CSGALNACT1: variants seen among roughly 807,000 people sequenced by gnomAD.
CSGALNACT1 encodes the protein chondroitin sulfate N-acetylgalactosaminyltransferase 1, also known as beta4GalNAcT-1.
In CSGALNACT1, 52 loss-of-function variants were observed where a neutral mutation model predicts 51.0. That is an observed-to-expected ratio of 1.02 (90% CI 0.82 to 1.29). The LOEUF is 1.29. Ranked by LOEUF, CSGALNACT1 falls within the 50% of genes most tolerant of loss-of-function variation. The pLI is 0.00. For missense variants in CSGALNACT1, 935 were observed against 679.2 expected (o/e 1.38, Z -4.19); for synonymous variants, 341 against 254.4 (o/e 1.34, Z -3.24).
chr8:19,595,509 G>T (rs538096195), intron 2 of CSGALNACT1, among the ~76,000 whole-genome samples: 1 of 152,194 alleles, frequency 6.6e-6, no homozygotes, highest in Non-Finnish European at 1.5e-5. Flanking sequence ...ACTTAAATAT[G>T]ATTTTCATGA....
intron 1 of CSGALNACT1, among the ~76,000 whole-genome samples, chr8:19,721,873 T>C (rs1475750698): frequency 6.6e-6 from 1 of 152,218 alleles, no homozygotes; most frequent in East Asian, 1.9e-4. Context: ...TTCATATTAA[T>C]TTCAAAAGAA....
rs4457347 is a variant in CSGALNACT1 at position 19,600,144 on chromosome 8, G to T, written c.-416+1627C>A. Among the ~76,000 whole-genome samples the T allele has an allele frequency of 9.2e-3, 1,394 of 152,086 alleles. 25 individuals carry two copies. Among genetic ancestry groups the T allele is most frequent in the African/African-American group, 0.031 (1,299 of 41,438 alleles). On this transcript the variant is annotated intron_variant, in intron 2 of 9. Coordinates refer to ENST00000454498, the Ensembl canonical transcript of CSGALNACT1. ...GTTGCCCAGGCTGGAGTGCAATGGC[G>T]TCATCTTGGCTCACTGCAACCTCCA... is the stretch of plus-strand genomic sequence containing the variant.
intron 1 of CSGALNACT1, among the ~76,000 whole-genome samples, chr8:19,633,968 T>A (rs1390231231): frequency 6.6e-6 from 1 of 152,186 alleles, no homozygotes; most frequent in African/African-American, 2.4e-5. Flanking sequence ...GGTTCGTGCC[T>A]TCCTACTTTC....
rs572792017 is a variant in CSGALNACT1, at chr8:19,405,867, G to A, written c.1512C>T (p.His504=). ...TGAACACCAGCATGCCCAGCTGGCC[G>A]TGGGATGCCTCGTTCATGGCCTTGG... The change falls in exon 10 of 10, where the codon CAC becomes CAT. Residue 504 remains histidine, a synonymous_variant. Transcript: ENST00000454498. 6.8e-5 allele frequency: 110 copies of A among 1,614,018 alleles called. 1 individual carries two copies. The highest frequency in any genetic ancestry group is 2.2e-4 in the South Asian group (20 of 91,080).
intron 3 of CSGALNACT1, among the ~76,000 whole-genome samples, chr8:19,590,996 G>T (rs558877887): frequency 3.2e-4 from 49 of 152,074 alleles, no homozygotes; most frequent in Admixed American, 6.6e-4. Flanking sequence ...TTGTTCAAGG[G>T]ATACTGGAAA....
At chr8:19,681,300 T>C (rs2060598887) in intron 1 of CSGALNACT1, among the ~76,000 whole-genome samples, 1 of 152,004 alleles carries the variant, frequency 6.6e-6, no homozygotes, top group Non-Finnish European at 1.5e-5. Context: ...GAATTGGATA[T>C]GTGTAAGAGG....
chr8:19,513,830 G>T (rs766236698), intron 3 of CSGALNACT1, among the ~76,000 whole-genome samples: 1 of 151,996 alleles, frequency 6.6e-6, no homozygotes, highest in African/African-American at 2.4e-5. Flanking sequence ...GACAAAGAAA[G>T]GGTACAGTAA....
At chr8:19,660,061 A>G (rs996710667) in intron 1 of CSGALNACT1, among the ~76,000 whole-genome samples, 2 of 152,258 alleles carry the variant, frequency 1.3e-5, no homozygotes, top group East Asian at 3.8e-4. Flanking sequence ...CGCACGGGGA[A>G]GTTAAGTCAA....
intron 1 of CSGALNACT1, among the ~76,000 whole-genome samples, chr8:19,610,437 C>G (rs1276449039): frequency 1.3e-5 from 2 of 152,012 alleles, no homozygotes; most frequent in Non-Finnish European, 2.9e-5. Context: ...TTCCCAAGAC[C>G]ACTCTGGCCT....
chr8:19,691,283 C>T lies in CSGALNACT1; in HGVS notation c.-297+66567G>A, dbSNP rs566822085. Among the ~76,000 whole-genome samples, 232 of 152,220 alleles carry T rather than the reference C, an allele frequency of 1.5e-3. 1 individual carries two copies. Among genetic ancestry groups the T allele is most frequent in the African/African-American group, 5.2e-3 (217 of 41,544 alleles). Reference sequence around the variant, plus strand: ...GAAGTTCCCCATAAATTTCAGCCAACGATGCACAGGCCTCCTCCCAAACAC... The same window carrying T: ...GAAGTTCCCCATAAATTTCAGCCAATGATGCACAGGCCTCCTCCCAAACAC... On this transcript the variant is annotated intron_variant, in intron 1 of 1. Coordinates refer to the CSGALNACT1 transcript ENST00000517494.
intron 3 of CSGALNACT1, among the ~76,000 whole-genome samples, chr8:19,510,788 A>G (rs1338897163): frequency 6.6e-6 from 1 of 152,374 alleles, no homozygotes; most frequent in Middle Eastern, 3.4e-3. Flanking sequence ...ATTTGTCAAG[A>G]TAAGATATCC....
At chr8:19,405,353 C>T (rs927662539) in exon 10 of CSGALNACT1, 17 of 455,452 alleles carry the variant, frequency 3.7e-5, no homozygotes, top group Admixed American at 1.6e-4. Context: ...TTTTAGCATT[C>T]CTAGAAACTA....
At chr8:19,602,974 T>TTA (rs537946921), upstream of CSGALNACT1, among the ~76,000 whole-genome samples, 226 of 149,712 alleles carry the variant, frequency 1.5e-3, 2 homozygotes, top group East Asian at 5.3e-3. Flanking sequence ...TTTGCTATTT[T>TTA]TATATATATA....
At chr8:19,545,383 T>A (rs1026939481) in intron 3 of CSGALNACT1, among the ~76,000 whole-genome samples, 2 of 152,162 alleles carry the variant, frequency 1.3e-5, no homozygotes, top group Admixed American at 6.6e-5. Flanking sequence ...AAAAATGAGA[T>A]GGGGAAAATT....
intron 5 of CSGALNACT1, among the ~76,000 whole-genome samples, chr8:19,451,988 C>T (rs2063263890): frequency 6.6e-6 from 1 of 152,150 alleles, no homozygotes; most frequent in Admixed American, 6.5e-5. Flanking sequence ...AAGGATAATG[C>T]TTTAAATACA....
chr8:19,654,058 G>GT (rs958770316), intron 1 of CSGALNACT1, among the ~76,000 whole-genome samples: 17 of 152,322 alleles, frequency 1.1e-4, no homozygotes, highest in African/African-American at 3.8e-4. Flanking sequence ...CGCCTAAGGT[G>GT]TGCCCACTGC....
chr8:19,667,040 GAAGAAAGAAAGAAAGAAAGA>G (rs1177939899), intron 1 of CSGALNACT1, among the ~76,000 whole-genome samples: 1 of 34,970 alleles, frequency 2.9e-5, no homozygotes, highest in African/African-American at 1.5e-4. Flanking sequence ...AGGAAGGAAG[GAAGAAAGAAAGAAAGAAAGA>G]AAGAAAGAAA....
At chr8:19,605,816 A>G (rs1376210438), upstream of CSGALNACT1, among the ~76,000 whole-genome samples, 1 of 152,238 alleles carries the variant, frequency 6.6e-6, no homozygotes, top group Non-Finnish European at 1.5e-5. Flanking sequence ...ATGTTAAAAG[A>G]AGCCTACCAA....
At chr8:19,740,555 T>C (rs968565417) in intron 1 of CSGALNACT1, among the ~76,000 whole-genome samples, 3 of 152,234 alleles carry the variant, frequency 2.0e-5, no homozygotes, top group African/African-American at 7.2e-5. Context: ...TGTTTGGATA[T>C]TTCATTTGAA....
Sources: gnomAD v4.1 joint callset for allele counts (sites outside exome capture counted in the v4.1 genomes callset) on GRCh38, gnomAD v4.1.1 for gene constraint, MANE v1.5 for transcripts, NCBI Gene and HGNC (gene_info 2026-07-23, HGNC 2026-07-21) for gene names.